The following TNFRSF21 variants were observed in gnomAD, a reference collection of about 807,000 sequenced individuals.
The protein encoded by TNFRSF21 is TNF receptor superfamily member 21, also known as tumor necrosis factor receptor superfamily member 21.
In TNFRSF21, 19 loss-of-function variants were observed where a neutral mutation model predicts 45.6. The ratio of observed to expected loss-of-function variants is 0.42; its 90% CI spans 0.29 to 0.61. The LOEUF is 0.61. Ranked by LOEUF, TNFRSF21 falls within the 20% of genes least tolerant of loss-of-function variation. TNFRSF21 has a pLI of 0.23. For missense variants in TNFRSF21, 737 were observed against 851.5 expected, an observed-to-expected ratio of 0.87 and a Z score of 1.67; for synonymous variants, 314 against 335.5, an observed-to-expected ratio of 0.94 and a Z score of 0.70.
chr6:47,267,863 T>G (rs1762358726), intron 3 of TNFRSF21, among the ~76,000 whole-genome samples: 1 of 152,176 alleles, frequency 6.6e-6, no homozygotes, highest in African/African-American at 2.4e-5. Flanking sequence ...GTAAAAATTA[T>G]CAACCCCATC....
At chr6:47,237,173 A>G (rs779335199) in intron 4 of TNFRSF21, among the ~76,000 whole-genome samples, 13 of 152,226 alleles carry the variant, frequency 8.5e-5, no homozygotes, top group Non-Finnish European at 1.6e-4. Context: ...GAGACCATTT[A>G]AAAATCATCT....
At chr6:47,248,650 T>G (rs1172956423) in intron 4 of TNFRSF21, among the ~76,000 whole-genome samples, 1 of 152,176 alleles carries the variant, frequency 6.6e-6, no homozygotes, top group Non-Finnish European at 1.5e-5. Context: ...AAGCAACACA[T>G]AGCTACAGTT....
chr6:47,250,804 G>A (rs1402701536), intron 4 of TNFRSF21, among the ~76,000 whole-genome samples: 1 of 152,178 alleles, frequency 6.6e-6, no homozygotes, highest in Non-Finnish European at 1.5e-5. Context: ...AATGGACAGA[G>A]AGTAACATAC....
intron 3 of TNFRSF21, among the ~76,000 whole-genome samples, chr6:47,268,534 G>A (rs1271197061): frequency 1.3e-5 from 2 of 152,168 alleles, no homozygotes; most frequent in Non-Finnish European, 2.9e-5. Flanking sequence ...TCAAGGCAAA[G>A]GTGGGAAGGT....
intron 1 of TNFRSF21, among the ~76,000 whole-genome samples, chr6:47,289,131 T>C (rs1762687055): frequency 6.6e-6 from 1 of 152,222 alleles, no homozygotes; most frequent in Non-Finnish European, 1.5e-5. Context: ...CTTTATGAAA[T>C]GCACAAAGTT....
chr6:47,247,304 T>C (rs1164107879), intron 4 of TNFRSF21, among the ~76,000 whole-genome samples: 1 of 152,142 alleles, frequency 6.6e-6, no homozygotes, highest in Non-Finnish European at 1.5e-5. Flanking sequence ...TCACACCCCA[T>C]GAATTAAGTA....
intron 3 of TNFRSF21, among the ~76,000 whole-genome samples, chr6:47,280,981 T>C (rs1342664273): frequency 6.6e-6 from 1 of 152,146 alleles, no homozygotes; most frequent in Non-Finnish European, 1.5e-5. Flanking sequence ...ATTGGGTAAA[T>C]CTGCAACAGA....
chr6:47,280,121 T>A (rs1762547592), intron 3 of TNFRSF21, among the ~76,000 whole-genome samples: 1 of 152,168 alleles, frequency 6.6e-6, no homozygotes, highest in Non-Finnish European at 1.5e-5. Flanking sequence ...ATGGCCTAGC[T>A]TCAAAGTTTG....
intron 1 of TNFRSF21, among the ~76,000 whole-genome samples, chr6:47,287,125 T>C (rs745310006): frequency 1.8e-4 from 27 of 151,838 alleles, no homozygotes; most frequent in Non-Finnish European, 3.1e-4. Flanking sequence ...CTGGCTGACA[T>C]GGTAAAACCC....
chr6:47,263,076 G>C (rs1205108266), intron 3 of TNFRSF21, among the ~76,000 whole-genome samples: 1 of 152,156 alleles, frequency 6.6e-6, no homozygotes, highest in Non-Finnish European at 1.5e-5. Context: ...TGGCCATGGA[G>C]GTGATGGGAG....
In TNFRSF21 at chr6:47,291,627, A is replaced by G. The variant is rs367705885; in HGVS notation, c.97-5032T>C. On this transcript the variant is annotated intron_variant, in intron 1 of 5. Coordinates refer to ENST00000296861, the MANE Select transcript of TNFRSF21 (RefSeq NM_014452.5). Reference sequence around the variant, plus strand: ...ACACAGCTCTCAGGATGCTCCTTGGACCAGGGAGGGATGGGAGGTAGGCTC... The same window carrying G: ...ACACAGCTCTCAGGATGCTCCTTGGGCCAGGGAGGGATGGGAGGTAGGCTC... 1.5e-3 allele frequency among the ~76,000 whole-genome samples: 235 copies of G among 152,324 alleles called. 2 individuals are homozygous for G. In the South Asian group the frequency reaches 0.024, roughly 16 times the overall value.
chr6:47,269,661 A>C (rs1159314139), intron 3 of TNFRSF21, among the ~76,000 whole-genome samples: 1 of 152,274 alleles, frequency 6.6e-6, no homozygotes, highest in Non-Finnish European at 1.5e-5. Flanking sequence ...TATGGATAAC[A>C]ATAACTCTCA....
chr6:47,278,696 G>A (rs1386335248), intron 3 of TNFRSF21, among the ~76,000 whole-genome samples: 1 of 152,180 alleles, frequency 6.6e-6, no homozygotes, highest in Non-Finnish European at 1.5e-5. Flanking sequence ...GACAGATGGC[G>A]AGAGCTAAAG....
intron 3 of TNFRSF21, among the ~76,000 whole-genome samples, chr6:47,274,057 T>C (rs985762225): frequency 6.6e-6 from 1 of 152,198 alleles, no homozygotes; most frequent in African/African-American, 2.4e-5. Flanking sequence ...ATGGCCATAC[T>C]GCCCAAAGTA....
chr6:47,232,827 T>C lies in TNFRSF21; in HGVS notation c.1906A>G (p.Ser636Gly). The C allele has an allele frequency of 6.2e-7, 1 of 1,614,176 alleles. No homozygotes were observed. The highest frequency in any genetic ancestry group is 8.5e-7 in the Non-Finnish European group (1 of 1,180,034). Residue 636 changes from serine (S) to glycine (G), a missense_variant, in exon 6 of 6, where the codon AGC becomes GGC. Coordinates refer to ENST00000296861, the MANE Select transcript of TNFRSF21 (RefSeq NM_014452.5). ...AGGAGGGTCTGGCTGGCTTCCTGGC[T>C]CTTGACTCCAATAATTTCGAATAGC... ...DRLFEIIGVK[S>G]QEASQTLLDS... is the part of the protein sequence containing the mutation.
chr6:47,232,524 T>C lies in TNFRSF21; in HGVS notation c.*241A>G, dbSNP rs1267077655. ...GTGGGTATTTCACAACAGTTACACC[T>C]GGCAAAGGCTTATAAACCAACTTCC... On this transcript the variant is annotated 3_prime_UTR_variant, in exon 6 of 6. Coordinates refer to ENST00000296861, the MANE Select transcript of TNFRSF21 (RefSeq NM_014452.5). 1 of 476,882 alleles carries C rather than the reference T, an allele frequency of 2.1e-6. No individual in the cohort carries two copies. The highest frequency in any genetic ancestry group is 3.8e-5 in the Admixed American group (1 of 26,178). 29.5% of individuals were successfully genotyped at this position (476,882 alleles called of 1,614,324 possible).
At chr6:47,249,601 C>G (rs1764872018) in intron 4 of TNFRSF21, among the ~76,000 whole-genome samples, 1 of 152,120 alleles carries the variant, frequency 6.6e-6, no homozygotes, top group Non-Finnish European at 1.5e-5. Flanking sequence ...TGGAAAAGAT[C>G]AATATGCAGA....
intron 4 of TNFRSF21, among the ~76,000 whole-genome samples, chr6:47,248,987 G>C (rs1415783239): frequency 6.6e-6 from 1 of 152,194 alleles, no homozygotes; most frequent in Non-Finnish European, 1.5e-5. Flanking sequence ...TGAAGAAACT[G>C]AGGCAGAGAG....
At chr6:47,297,410 C>T (rs1762802578) in intron 1 of TNFRSF21, among the ~76,000 whole-genome samples, 1 of 152,164 alleles carries the variant, frequency 6.6e-6, no homozygotes. Context: ...ATTATCACTC[C>T]CGCCAACTTA....
Sources: allele counts gnomAD v4.1 joint callset (sites outside exome capture counted in the v4.1 genomes callset), GRCh38; gene constraint gnomAD v4.1.1; transcripts MANE v1.5; gene names NCBI Gene and HGNC (gene_info 2026-07-23, HGNC 2026-07-21).